ACSM2B: variants seen among roughly 807,000 people sequenced by gnomAD.
ACSM2B encodes acyl-coenzyme A synthetase ACSM2B, mitochondrial.
In ACSM2B, 58 loss-of-function variants were observed where a neutral mutation model predicts 78.6. The ratio of observed to expected loss-of-function variants is 0.74; its 90% CI spans 0.60 to 0.92. The LOEUF (loss-of-function observed/expected upper bound fraction) is 0.92, where lower values mean the gene tolerates loss of function less well. Ranked by LOEUF, ACSM2B falls within the 40% of genes least tolerant of loss-of-function variation. The pLI is 0.00. For synonymous variants in ACSM2B, 257 were observed against 256.8 expected, an observed-to-expected ratio of 1.00 and a Z score of -0.01; for missense variants, 688 against 711.2, an observed-to-expected ratio of 0.97 and a Z score of 0.37.
intron 2 of ACSM2B, among the ~76,000 whole-genome samples, chr16:20,561,942 C>T: frequency 1.2e-5 from 1 of 82,560 alleles, no homozygotes; most frequent in Admixed American, 1.5e-4. Flanking sequence ...CAATTCCCAC[C>T]TATGAGTGAG....
chr16:20,538,399 G>C (rs1263124265), intron 13 of ACSM2B, among the ~76,000 whole-genome samples: 1 of 152,148 alleles, frequency 6.6e-6, no homozygotes, highest in Non-Finnish European at 1.5e-5. Flanking sequence ...GCATTGCCTG[G>C]GCAAAGTTGA....
intron 13 of ACSM2B, among the ~76,000 whole-genome samples, chr16:20,537,709 C>T (rs184536310): frequency 1.3e-5 from 2 of 152,306 alleles, no homozygotes; most frequent in Admixed American, 6.5e-5. Context: ...TTTGCTAAGA[C>T]TCAGTTTTCC....
chr16:20,538,979 G>A (rs1325247632), intron 13 of ACSM2B, among the ~76,000 whole-genome samples: 2 of 152,044 alleles, frequency 1.3e-5, no homozygotes, highest in Non-Finnish European at 2.9e-5. Context: ...AAAGACAGCT[G>A]TCTTGTCCAA....
At chr16:20,565,619 C>G (rs1353002920) in intron 1 of ACSM2B, among the ~76,000 whole-genome samples, 4 of 152,100 alleles carry the variant, frequency 2.6e-5, no homozygotes, top group African/African-American at 9.7e-5. Flanking sequence ...CAGGTCCTAT[C>G]CATCTAGTGC....
At chr16:20,574,070 C>T (rs1049130634) in intron 1 of ACSM2B, 4 of 152,166 alleles carry the variant, frequency 2.6e-5, no homozygotes, top group African/African-American at 4.8e-5. Context: ...ATCTCAACCG[C>T]ATAAGACAAA....
intron 10 of ACSM2B, among the ~76,000 whole-genome samples, chr16:20,543,977 T>C (rs2015069189): frequency 6.6e-6 from 1 of 152,106 alleles, no homozygotes; most frequent in South Asian, 2.1e-4. Flanking sequence ...TTACAGAAGG[T>C]AGAACTGAGA....
chr16:20,571,276 G>A (rs368002435), intron 1 of ACSM2B, among the ~76,000 whole-genome samples: 610 of 126,726 alleles, frequency 4.8e-3, no homozygotes, highest in African/African-American at 0.013. Flanking sequence ...TGTCACTATT[G>A]TCCTTCAGTG....
chr16:20,569,090 C>T (rs12708634), intron 1 of ACSM2B, among the ~76,000 whole-genome samples: 57,950 of 151,546 alleles, frequency 0.38, 14,074 homozygotes, highest in East Asian at 0.87. Context: ...TATTTATCTT[C>T]ATTTTTGTTG....
intron 6 of ACSM2B, among the ~76,000 whole-genome samples, chr16:20,548,863 T>C (rs1424958113): frequency 6.6e-6 from 1 of 152,186 alleles, no homozygotes; most frequent in Admixed American, 6.5e-5. Flanking sequence ...TAACTTTCTG[T>C]AGCCAGCTTT....
intron 12 of ACSM2B, chr16:20,541,264 T>C (rs1373832951): frequency 6.3e-6 from 1 of 158,236 alleles, no homozygotes; most frequent in Non-Finnish European, 1.4e-5. Context: ...TGCTCAGTGG[T>C]TCCCATAATT....
chr16:20,568,206 A>T (rs886536159), intron 1 of ACSM2B, among the ~76,000 whole-genome samples: 57 of 144,176 alleles, frequency 4.0e-4, no homozygotes, highest in African/African-American at 1.4e-3. Context: ...TAAAATATAA[A>T]TATATGTAAA....
At position 20,537,305 on chromosome 16, in the gene ACSM2B, G is replaced by A. The variant is rs2014868976; in HGVS notation, c.1687C>T (p.Leu563Phe). The A allele has an allele frequency of 6.2e-7, 1 of 1,614,062 alleles. No homozygotes were observed. Among genetic ancestry groups the A allele is most frequent in the Non-Finnish European group, 8.5e-7 (1 of 1,179,928 alleles). The change falls in exon 14 of 14, where the codon CTT (leucine) becomes TTT (phenylalanine). Residue 563 changes from leucine (L) to phenylalanine (F), a missense_variant. Leu to Phe is a conservative substitution (Grantham distance 22, BLOSUM62 0). Coordinates refer to ENST00000329697, the MANE Select transcript of ACSM2B (RefSeq NM_001105069.2). ...TVTGKIQRTK[L>F]RDKEWKMSGK... ...GACATCTTCCACTCCTTGTCTCGAA[G>A]TTTGGTTCGTTGAATTTTCCCTGTG... is the stretch of plus-strand genomic sequence containing the variant.
At chr16:20,539,905 C>T (rs1373120079) in intron 13 of ACSM2B, among the ~76,000 whole-genome samples, 5 of 152,176 alleles carry the variant, frequency 3.3e-5, no homozygotes, top group Non-Finnish European at 5.9e-5. Context: ...AGACACCTGA[C>T]CACATCCTAG....
intron 6 of ACSM2B, among the ~76,000 whole-genome samples, chr16:20,551,151 G>T (rs1183069999): frequency 6.6e-6 from 1 of 152,222 alleles, no homozygotes; most frequent in African/African-American, 2.4e-5. Flanking sequence ...TTAATCTATG[G>T]TGATAGATAT....
intron 4 of ACSM2B, chr16:20,554,265 T>C: frequency 2.3e-6 from 1 of 443,562 alleles, no homozygotes; most frequent in Non-Finnish European, 4.3e-6. Flanking sequence ...TAGCAAGAGC[T>C]CAATAAATGC....
At chr16:20,561,989 T>C (rs1046239733) in intron 2 of ACSM2B, among the ~76,000 whole-genome samples, 1 of 150,692 alleles carries the variant, frequency 6.6e-6, no homozygotes, top group African/African-American at 2.4e-5. Context: ...CTTGCCATGG[T>C]TTGCTGAGAA....
In ACSM2B at chr16:20,568,425, T is replaced by C. The variant is rs192312291; in HGVS notation, c.-8-3572A>G. Among the ~76,000 whole-genome samples the C allele has an allele frequency of 2.9e-3, 429 of 147,050 alleles. 3 individuals are homozygous for C. Among genetic ancestry groups the C allele is most frequent in the Non-Finnish European group, 4.6e-3 (306 of 66,856 alleles). ...ATAAATATTTATATATTTATAAAAA[T>C]ATATAAATATTTTATAAATGAATAC... is the stretch of plus-strand genomic sequence containing the variant. On this transcript the variant is annotated intron_variant, in intron 1 of 13. Transcript: ENST00000329697.
Position 20,542,706 on chromosome 16 carries a change from A to T in ACSM2B, c.1509+208T>A, listed in dbSNP as rs968392876. On this transcript the variant is annotated intron_variant, in intron 12 of 13. Transcript: ENST00000329697. ...TACTTTACAAATATTAGCACATTTA[A>T]CCCTCATAACAATCCCTCATCTTAC... 1.3e-5 allele frequency: 8 copies of T among 632,002 alleles called. No homozygotes were observed. In the Admixed American group the frequency reaches 2.4e-4, roughly 19 times the overall value. The allele number at this position is 632,002 out of a possible 1,614,324, so 39.1% of individuals were successfully genotyped here.
intron 3 of ACSM2B, among the ~76,000 whole-genome samples, chr16:20,556,356 C>T (rs556906726): frequency 3.3e-4 from 50 of 152,306 alleles, no homozygotes; most frequent in African/African-American, 1.0e-3. Flanking sequence ...AATCCTGGCA[C>T]TTTTGGAGGC....
Sources: allele counts gnomAD v4.1 joint callset (sites outside exome capture counted in the v4.1 genomes callset), GRCh38; gene constraint gnomAD v4.1.1; transcripts MANE v1.5; gene names NCBI Gene and HGNC (gene_info 2026-07-23, HGNC 2026-07-21).